CAST: variants seen among roughly 807,000 people sequenced by gnomAD.
The protein encoded by CAST is MIR583 host.
CAST carries 76 observed loss-of-function variants against 119.6 expected under a neutral mutation model. The observed-to-expected ratio is 0.64, with a 90% CI of 0.53 to 0.77. CAST has a LOEUF of 0.77. Ranked by LOEUF, CAST falls within the 30% of genes least tolerant of loss-of-function variation. The probability of loss-of-function intolerance (pLI) is 0.00; values close to 1 mark genes in which losing one functional copy is unlikely to be tolerated. For missense variants in CAST, 953 were observed against 946.5 expected (o/e 1.01, Z -0.09); for synonymous variants, 319 against 331.6 (o/e 0.96, Z 0.41).
intron 1 of CAST, among the ~76,000 whole-genome samples, chr5:96,666,257 A>AACACACACACACACAC (rs10529318): frequency 4.1e-4 from 62 of 150,146 alleles, no homozygotes; most frequent in East Asian, 3.7e-3. Flanking sequence ...GGTTGTAGTA[A>AACACACACACACACAC]ACACACACAC....
intron 1 of CAST, among the ~76,000 whole-genome samples, chr5:96,531,979 G>A (rs565181382): frequency 3.3e-5 from 5 of 152,148 alleles, no homozygotes; most frequent in African/African-American, 1.2e-4. Context: ...TAGAGCAGGC[G>A]TAGTGGCATG....
At chr5:96,212,763 T>TGTG in the CAST span, among the ~76,000 whole-genome samples, 3 of 152,212 alleles carry the variant, frequency 2.0e-5, no homozygotes, top group African/African-American at 7.2e-5. Flanking sequence ...CATAACTCTG[T>TGTG]TGCTTTTTGT....
chr5:96,446,416 C>T, the CAST span, among the ~76,000 whole-genome samples: 1 of 152,044 alleles, frequency 6.6e-6, no homozygotes, highest in Non-Finnish European at 1.5e-5. Context: ...TCTGTGTTTG[C>T]AGAAAGGAGG....
chr5:96,533,032 A>C (rs1302785161), intron 1 of CAST, among the ~76,000 whole-genome samples: 1 of 147,822 alleles, frequency 6.8e-6, no homozygotes, highest in Non-Finnish European at 1.5e-5. Flanking sequence ...CTCAAAAAAA[A>C]AAAAATAAAA....
At chr5:96,689,792 G>T (rs544402885) in intron 2 of CAST, among the ~76,000 whole-genome samples, 3 of 152,172 alleles carry the variant, frequency 2.0e-5, no homozygotes, top group Non-Finnish European at 4.4e-5. Context: ...CCTTATAGAT[G>T]GAGGCCAACT....
At chr5:96,702,743 CG>C (rs1157441513) in intron 3 of CAST, 1 of 984,370 alleles carries the variant, frequency 1.0e-6, no homozygotes, top group Non-Finnish European at 1.2e-6. Context: ...GCGGGGCCGC[CG>C]GGCAGGGGGG....
At chr5:96,745,169 C>T (rs1763502587) in intron 16 of CAST, among the ~76,000 whole-genome samples, 1 of 152,104 alleles carries the variant, frequency 6.6e-6, no homozygotes, top group Non-Finnish European at 1.5e-5. Context: ...GAGTGCTGCT[C>T]CATGACAGGA....
chr5:96,185,060 T>C, the CAST span, among the ~76,000 whole-genome samples: 2 of 152,204 alleles, frequency 1.3e-5, no homozygotes, highest in Admixed American at 1.3e-4. Flanking sequence ...TGGCATGAGA[T>C]AGTATCTCAT....
In CAST at chr5:96,588,196, C is replaced by CTTTTTTTTTTTTTTTTT. The variant is rs140665192; in HGVS notation, c.60+58324_60+58340dup. The stretch of plus-strand genomic sequence containing the variant: ...TATTATTTTCTTTCTTTCTTTCTTT[C>CTTTTTTTTTTTTTTTTT]TTTTTTTTTTTTTTTTTTTTTTTTG... On this transcript the variant is annotated intron_variant, in intron 1 of 11. Transcript: ENST00000505143. 1.3e-3 allele frequency among the ~76,000 whole-genome samples: 99 copies of CTTTTTTTTTTTTTTTTT among 75,848 alleles called. 7 individuals are homozygous for CTTTTTTTTTTTTTTTTT. The highest frequency in any genetic ancestry group is 3.2e-3 in the African/African-American group (52 of 16,032). The allele number at this position is 75,848 out of a possible 152,430, so 49.8% of individuals were successfully genotyped here.
At chr5:96,245,257 A>G in the CAST span, among the ~76,000 whole-genome samples, 1 of 152,208 alleles carries the variant, frequency 6.6e-6, no homozygotes, top group South Asian at 2.1e-4. Context: ...GAATATATCA[A>G]TACTGGCAGT....
chr5:96,451,126 G>C, the CAST span, among the ~76,000 whole-genome samples: 1 of 152,062 alleles, frequency 6.6e-6, no homozygotes. Context: ...TGTGATATCT[G>C]TTTAATTGCT....
At chr5:96,212,089 T>C in the CAST span, among the ~76,000 whole-genome samples, 4 of 152,248 alleles carry the variant, frequency 2.6e-5, no homozygotes, top group East Asian at 5.8e-4. Context: ...GTTTTAGTTT[T>C]ATTGATTTTT....
At chr5:96,005,078 T>C in the CAST span, among the ~76,000 whole-genome samples, 1 of 152,190 alleles carries the variant, frequency 6.6e-6, no homozygotes, top group African/African-American at 2.4e-5. Flanking sequence ...AGCCAAACCA[T>C]TAATCAGTTG....
intron 2 of CAST, among the ~76,000 whole-genome samples, chr5:96,694,433 C>T (rs372412742): frequency 2.0e-5 from 3 of 152,086 alleles, no homozygotes; most frequent in South Asian, 2.1e-4. Context: ...GTCAGGAGAT[C>T]GAGACCATTC....
chr5:96,009,641 G>GT, the CAST span, among the ~76,000 whole-genome samples: 4 of 151,848 alleles, frequency 2.6e-5, no homozygotes, highest in South Asian at 6.2e-4. Context: ...TTTTAATGAG[G>GT]TTTTTTGTTT....
At chr5:96,272,314 G>A in the CAST span, among the ~76,000 whole-genome samples, 1 of 152,152 alleles carries the variant, frequency 6.6e-6, no homozygotes, top group East Asian at 1.9e-4. Context: ...GTACTCCCAT[G>A]TTTATTGTTG....
the CAST span, among the ~76,000 whole-genome samples, chr5:96,109,133 C>T: frequency 2.8e-4 from 43 of 152,346 alleles, no homozygotes; most frequent in African/African-American, 1.0e-3. Flanking sequence ...CTGGCACTCC[C>T]TATTGAGATG....
chr5:96,179,190 T>C, the CAST span, among the ~76,000 whole-genome samples: 2 of 152,192 alleles, frequency 1.3e-5, no homozygotes, highest in African/African-American at 2.4e-5. Context: ...AAAACACACA[T>C]ATGACCATCT....
At chr5:96,451,221 C>G in the CAST span, among the ~76,000 whole-genome samples, 3 of 152,256 alleles carry the variant, frequency 2.0e-5, no homozygotes, top group Non-Finnish European at 4.4e-5. Context: ...TATCTACCAC[C>G]TCCATACTAC....
Sources: allele counts gnomAD v4.1 joint callset (sites outside exome capture counted in the v4.1 genomes callset), GRCh38; gene constraint gnomAD v4.1.1; transcripts MANE v1.5; gene names NCBI Gene and HGNC (gene_info 2026-07-23, HGNC 2026-07-21).